Variants in SEPHS1 observed in about 807,000 individuals in gnomAD.
SEPHS1 encodes selenophosphate synthetase 1, also known as zincore component SEPHS1.
A neutral mutation model predicts 39.2 loss-of-function variants in SEPHS1; 7 were observed. That is an observed-to-expected ratio of 0.18 (90% CI 0.10 to 0.34). The LOEUF (loss-of-function observed/expected upper bound fraction) is 0.34. Among genes scored for constraint, SEPHS1 ranks in the 10% least tolerant of loss-of-function variants. SEPHS1 has a pLI of 1.00. For synonymous variants in SEPHS1, 190 were observed against 195.5 expected (o/e 0.97, Z 0.23); for missense variants, 253 against 514.5 (o/e 0.49, Z 4.92).
intron 7 of SEPHS1, 83 bp downstream of exon 7, chr10:13,328,266 CCT>C: frequency 1.1e-6 from 1 of 949,406 alleles, no homozygotes; most frequent in Non-Finnish European, 1.7e-6. Context: ...GGCCACCTAC[CCT>C]GAGACAGTAT....
intron 2 of SEPHS1, 72 bp from the exon 3 acceptor site, chr10:13,338,880 C>A: frequency 9.1e-7 from 1 of 1,099,330 alleles, no homozygotes; most frequent in East Asian, 2.3e-5. Context: ...CACCAGTGCT[C>A]TGAACAGGAA....
rs549688875 is a variant in SEPHS1 at position 13,318,145 on chromosome 10, G to GT, written c.*996dup. The GT allele has an allele frequency of 5.2e-5, 8 of 152,608 alleles. No homozygotes were observed. In the South Asian group the frequency reaches 1.0e-3, roughly 20 times the overall value. 9.5% of individuals were successfully genotyped at this position (152,608 alleles called of 1,614,324 possible). On this transcript the variant is annotated 3_prime_UTR_variant, in exon 9 of 9. Coordinates refer to ENST00000327347, the MANE Select transcript of SEPHS1 (RefSeq NM_012247.5). ...TCGAGCTGCAATGTTGGCAATGCAG[G>GT]TTTTTAACACAGATCACAAAAAGCG... is the stretch of plus-strand genomic sequence containing the variant.
Position 13,330,836 on chromosome 10 carries a change from T to A in SEPHS1, c.561-1048A>T, listed in dbSNP as rs571441047. On this transcript the variant is annotated intron_variant, in intron 5 of 8. Coordinates refer to ENST00000327347, the MANE Select transcript of SEPHS1 (RefSeq NM_012247.5). ...CCATAAAGTTGATGTTCTTTTTTTT[T>A]AAATTTTTTAAAATTATACTTTAAG... is the stretch of plus-strand genomic sequence containing the variant. Among the ~76,000 whole-genome samples the A allele has an allele frequency of 3.0e-3, 413 of 139,336 alleles. 3 individuals carry two copies. Among genetic ancestry groups the A allele is most frequent in the African/African-American group, 9.9e-3 (393 of 39,826 alleles). The allele number at this position is 139,336 out of a possible 152,430, so 91.4% of individuals were successfully genotyped here. A position where few individuals can be genotyped will look rare whatever the true frequency, so the allele number is the denominator to read the frequency against.
At chr10:13,336,033 G>A (rs1833622253) in intron 4 of SEPHS1, among the ~76,000 whole-genome samples, 1 of 151,516 alleles carries the variant, frequency 6.6e-6, no homozygotes, top group African/African-American at 2.4e-5. Context: ...AGAGAGAAAG[G>A]GAGCAGGTGG....
chr10:13,334,529 G>A (rs1001410751), intron 4 of SEPHS1, among the ~76,000 whole-genome samples: 4 of 151,830 alleles, frequency 2.6e-5, no homozygotes, highest in Non-Finnish European at 5.9e-5. Context: ...GCACAAGAGT[G>A]AGACTTCATC....
At chr10:13,345,793 C>A (rs1027011405) in intron 1 of SEPHS1, among the ~76,000 whole-genome samples, 18 of 152,224 alleles carry the variant, frequency 1.2e-4, no homozygotes, top group African/African-American at 4.3e-4. Context: ...AAGAGAATCG[C>A]TTGAACCTGG....
At chr10:13,346,942 A>C (rs1833939312) in intron 1 of SEPHS1, among the ~76,000 whole-genome samples, 1 of 152,122 alleles carries the variant, frequency 6.6e-6, no homozygotes, top group Non-Finnish European at 1.5e-5. Context: ...GGTACTAAGG[A>C]CACAAATCAG....
chr10:13,345,654 G>A (rs1260601079), intron 1 of SEPHS1, among the ~76,000 whole-genome samples: 1 of 152,120 alleles, frequency 6.6e-6, no homozygotes, highest in African/African-American at 2.4e-5. Flanking sequence ...AGGCCAACGC[G>A]GGTGGATCAC....
chr10:13,321,996 T>G (rs1833131921), intron 8 of SEPHS1: 2 of 450,362 alleles, frequency 4.4e-6, no homozygotes, highest in African/African-American at 2.0e-5. Flanking sequence ...CTGATGGCTC[T>G]CTCTACCTAC....
intron 8 of SEPHS1, 27 bp from the exon 9 acceptor site, chr10:13,319,383 T>TTAGTGTTGACATGACAGC: frequency 1.9e-6 from 3 of 1,609,656 alleles, no homozygotes; most frequent in Non-Finnish European, 2.5e-6. Flanking sequence ...AGAATGACTG[T>TTAGTGTTGACATGACAGC]TAGTGTTGAC....
At chr10:13,346,207 G>A (rs1833917061) in intron 1 of SEPHS1, among the ~76,000 whole-genome samples, 2 of 152,118 alleles carry the variant, frequency 1.3e-5, no homozygotes, top group Non-Finnish European at 2.9e-5. Context: ...GCACTCCTAC[G>A]TTTTTTAGCC....
intron 2 of SEPHS1, among the ~76,000 whole-genome samples, chr10:13,339,388 G>A (rs1833725816): frequency 1.3e-5 from 2 of 152,188 alleles, no homozygotes; most frequent in South Asian, 4.2e-4. Flanking sequence ...ATCAAGCCTG[G>A]ATATAAACAC....
chr10:13,328,340 A>C lies in SEPHS1; in HGVS notation c.751+11T>G, dbSNP rs765679799. The stretch of plus-strand genomic sequence containing the variant: ...CCCCTGGGACCGAAGCGCCCTTCCC[A>C]CCTGTCATACCTGTCCTGTTGAGCC... On this transcript the variant is annotated intron_variant, in intron 7 of 8. Coordinates refer to ENST00000327347, the MANE Select transcript of SEPHS1 (RefSeq NM_012247.5). 6 of 1,586,132 alleles carry C rather than the reference A, an allele frequency of 3.8e-6. No homozygotes were observed. Among genetic ancestry groups the C allele is most frequent in the African/African-American group, 1.3e-5 (1 of 74,394 alleles).
chr10:13,336,380 C>G (rs750463579), intron 3 of SEPHS1, 30 bp from the exon 4 acceptor site: 5 of 1,530,842 alleles, frequency 3.3e-6, no homozygotes, highest in Non-Finnish European at 4.5e-6. Context: ...TGAGAAAGGA[C>G]GACCGGGGAC....
intron 5 of SEPHS1, among the ~76,000 whole-genome samples, chr10:13,332,842 C>CA (rs113720110): frequency 0.14 from 14,649 of 103,854 alleles, 2,120 homozygotes; most frequent in African/African-American, 0.4. Context: ...GACTCCGTCT[C>CA]AAAAAAAAAA....
intron 6 of SEPHS1, among the ~76,000 whole-genome samples, chr10:13,329,247 TACTC>T (rs1833397238): frequency 6.6e-6 from 1 of 152,232 alleles, no homozygotes; most frequent in Non-Finnish European, 1.5e-5. Flanking sequence ...TGTTCTGAGT[TACTC>T]ATCAGTTTAA....
intron 2 of SEPHS1, among the ~76,000 whole-genome samples, chr10:13,341,559 T>C (rs1340824616): frequency 6.6e-6 from 1 of 152,154 alleles, no homozygotes; most frequent in African/African-American, 2.4e-5. Flanking sequence ...TTAATTAGGA[T>C]ACATTTAGTA....
At chr10:13,337,491 T>C (rs1304929362) in intron 3 of SEPHS1, among the ~76,000 whole-genome samples, 2 of 152,232 alleles carry the variant, frequency 1.3e-5, no homozygotes, top group Non-Finnish European at 2.9e-5. Flanking sequence ...CCAAGTGTTA[T>C]CACTTCCAGT....
chr10:13,338,202 G>C (rs1239562538), intron 3 of SEPHS1, among the ~76,000 whole-genome samples: 1 of 152,158 alleles, frequency 6.6e-6, no homozygotes, highest in African/African-American at 2.4e-5. Context: ...GCAAGTGGCT[G>C]GGTTGAGTGA....
Sources: gnomAD v4.1 joint callset for allele counts (sites outside exome capture counted in the v4.1 genomes callset) on GRCh38, gnomAD v4.1.1 for gene constraint, MANE v1.5 for transcripts, NCBI Gene and HGNC (gene_info 2026-07-23, HGNC 2026-07-21) for gene names.